SDK2: variants seen among roughly 807,000 people sequenced by gnomAD.
SDK2 encodes the protein protein sidekick-2.
SDK2 carries 105 observed loss-of-function variants against 253.9 expected under a neutral mutation model. The observed-to-expected ratio is 0.41, with a 90% CI of 0.35 to 0.49. SDK2 has a LOEUF of 0.49. Ranked by LOEUF, SDK2 falls within the 20% of genes least tolerant of loss-of-function variation. The pLI is 0.06. For missense variants in SDK2, 2,608 were observed against 3,003.0 expected (o/e 0.87, Z 3.07); for synonymous variants, 1,249 against 1,234.9 (o/e 1.01, Z -0.24).
At chr17:73,394,567 T>C (rs1200469270) in intron 25 of SDK2, among the ~76,000 whole-genome samples, 1 of 152,156 alleles carries the variant, frequency 6.6e-6, no homozygotes, top group East Asian at 1.9e-4. Flanking sequence ...CTGCTCAGGT[T>C]AGGATTAGAT....
At chr17:73,356,953 A>C (rs568993904) in intron 40 of SDK2, among the ~76,000 whole-genome samples, 2 of 152,312 alleles carry the variant, frequency 1.3e-5, no homozygotes, top group South Asian at 4.1e-4. Flanking sequence ...CAACTGGCCA[A>C]CTTGGGTGGA....
At chr17:73,554,309 A>G (rs917209822) in intron 1 of SDK2, among the ~76,000 whole-genome samples, 6 of 152,216 alleles carry the variant, frequency 3.9e-5, no homozygotes, top group Admixed American at 2.0e-4. Flanking sequence ...CCTGCCCCCA[A>G]AATTCATCTG....
At chr17:73,344,957 C>G (rs1375785972) in intron 44 of SDK2, among the ~76,000 whole-genome samples, 1 of 152,240 alleles carries the variant, frequency 6.6e-6, no homozygotes, top group Non-Finnish European at 1.5e-5. Context: ...TCAGGCAGCC[C>G]TCTCTGAGCC....
At chr17:73,487,276 G>A (rs2063775534) in intron 2 of SDK2, among the ~76,000 whole-genome samples, 1 of 152,210 alleles carries the variant, frequency 6.6e-6, no homozygotes, top group African/African-American at 2.4e-5. Context: ...CAGGTGGCTG[G>A]CTTTCTTCAG....
intron 1 of SDK2, among the ~76,000 whole-genome samples, chr17:73,615,371 C>G (rs531930304): frequency 6.6e-6 from 1 of 152,186 alleles, no homozygotes; most frequent in African/African-American, 2.4e-5. Context: ...AGTCTCTGCC[C>G]GGATGCCCTC....
chr17:73,409,373 C>T lies in SDK2; in HGVS notation c.2484+5271G>A, dbSNP rs9906860. 2.9e-3 allele frequency among the ~76,000 whole-genome samples: 439 copies of T among 151,810 alleles called. 4 individuals are homozygous for T. The highest frequency in any genetic ancestry group is 9.9e-3 in the African/African-American group (411 of 41,352). On this transcript the variant is annotated intron_variant, in intron 18 of 44. Coordinates refer to ENST00000392650, the MANE Select transcript of SDK2 (RefSeq NM_001144952.2). Reference sequence around the variant, plus strand: ...GCATATGCCTGTAGTTCCAGCTACTCGGGAGGCTGAGGTAGGAGAATCACT... The same window carrying T: ...GCATATGCCTGTAGTTCCAGCTACTTGGGAGGCTGAGGTAGGAGAATCACT...
In SDK2 at chr17:73,639,386, C is replaced by G. The variant is rs1304650019; in HGVS notation, c.64+4639G>C. ...CTGAGCATCCCTGCTCAACGCTGCT[C>G]ACTGGCTCTGCCTCCTGCCCAGCAC... On this transcript the variant is annotated intron_variant, in intron 1 of 44. Transcript: ENST00000392650. This position sits in a 1 kb window ranked among gnomAD's most constrained non-coding sequence, Gnocchi z 4.3. Among the ~76,000 whole-genome samples, 1 of 152,208 alleles carries G rather than the reference C, an allele frequency of 6.6e-6. No individual in the cohort carries two copies. Among genetic ancestry groups the G allele is most frequent in the Non-Finnish European group, 1.5e-5 (1 of 68,030 alleles).
chr17:73,494,854 G>A (rs979208027), intron 2 of SDK2, among the ~76,000 whole-genome samples: 5 of 152,232 alleles, frequency 3.3e-5, no homozygotes, highest in African/African-American at 9.6e-5. Context: ...CACGGGCTGC[G>A]TGCAGGACCG....
intron 1 of SDK2, among the ~76,000 whole-genome samples, chr17:73,535,920 C>G (rs892033684): frequency 6.6e-6 from 1 of 152,102 alleles, no homozygotes; most frequent in East Asian, 1.9e-4. Flanking sequence ...CCATAAGGAC[C>G]ACGCCCACCC....
At chr17:73,539,480 C>G (rs2044831069) in intron 1 of SDK2, among the ~76,000 whole-genome samples, 1 of 105,062 alleles carries the variant, frequency 9.5e-6, no homozygotes, top group African/African-American at 3.8e-5. Context: ...GATGGGGACG[C>G]TGATGGGGAG....
At chr17:73,615,922 T>C (rs967804284) in intron 1 of SDK2, among the ~76,000 whole-genome samples, 10 of 152,108 alleles carry the variant, frequency 6.6e-5, no homozygotes, top group African/African-American at 2.2e-4. Context: ...GTCACATACA[T>C]ATATACACAA....
chr17:73,598,061 T>C (rs2045785235), intron 1 of SDK2, among the ~76,000 whole-genome samples: 1 of 152,052 alleles, frequency 6.6e-6, no homozygotes, highest in African/African-American at 2.4e-5. Context: ...AGCCAGCTGG[T>C]GTCCGAGTTG....
Position 73,368,497 on chromosome 17 carries a change from A to C in SDK2, c.5077T>G (p.Tyr1693Asp). Residue 1693 changes from tyrosine (Y) to aspartate (D), a missense_variant, in exon 37 of 45, where the codon TAC (tyrosine) becomes GAC (aspartate). By Grantham distance (160) the Tyr-to-Asp change is radical. Around this residue, in one of 2 missense-constraint regions of SDK2, gnomAD observed 1,103 missense variants for 1,143.9 expected, o/e 0.96. Coordinates refer to ENST00000392650, the MANE Select transcript of SDK2 (RefSeq NM_001144952.2). The stretch of plus-strand genomic sequence containing the variant: ...GCCACGCTGACCATGTAGGCCGTGT[A>C]GCCAGTCAAGTTCTTGAGCTTCACG... ...NSVKLKNLTG[Y>D]TAYMVSVAAF... 1 of 1,611,030 alleles carries C rather than the reference A, an allele frequency of 6.2e-7. No homozygotes were observed.
intron 24 of SDK2, among the ~76,000 whole-genome samples, chr17:73,397,104 G>A (rs962252048): frequency 5.3e-5 from 8 of 152,242 alleles, no homozygotes; most frequent in Non-Finnish European, 1.0e-4. Context: ...AAGGGTTTGT[G>A]TGGTCAGATG....
At chr17:73,399,846 C>G (rs1246675904) in intron 21 of SDK2, among the ~76,000 whole-genome samples, 7 of 152,166 alleles carry the variant, frequency 4.6e-5, no homozygotes, top group Admixed American at 2.0e-4. Flanking sequence ...GAGTTTAAAT[C>G]TAACTCCACT....
Position 73,334,663 on chromosome 17 carries a change from C to T in SDK2, c.*3924G>A, listed in dbSNP as rs939039927. ...TCTAGATGGATGGAGAAAGGTAACA[C>T]GTTTAAATGCTTTTGGTTATTCTGA... On this transcript the variant is annotated 3_prime_UTR_variant, in exon 45 of 45. Coordinates refer to ENST00000392650, the MANE Select transcript of SDK2 (RefSeq NM_001144952.2). 2.0e-5 allele frequency: 3 copies of T among 152,090 alleles called. No homozygotes were observed. The highest frequency in any genetic ancestry group is 1.3e-4 in the Admixed American group (2 of 15,268). The allele number at this position is 152,090 out of a possible 1,614,324, so 9.4% of individuals were successfully genotyped here. A position where few individuals can be genotyped will look rare whatever the true frequency, so the allele number is the denominator to read the frequency against.
At chr17:73,357,603 C>A (rs1274858661) in intron 40 of SDK2, 1 of 282,400 alleles carries the variant, frequency 3.5e-6, no homozygotes, top group African/African-American at 2.3e-5. Flanking sequence ...TCACTCATCT[C>A]CTGATGGCTT....
At chr17:73,494,264 C>T (rs993457072) in intron 2 of SDK2, among the ~76,000 whole-genome samples, 3 of 152,198 alleles carry the variant, frequency 2.0e-5, no homozygotes, top group African/African-American at 7.2e-5. Flanking sequence ...CCATGTCCCC[C>T]AAGGAGTCAT....
intron 1 of SDK2, among the ~76,000 whole-genome samples, chr17:73,606,494 C>A (rs9906337): frequency 0.28 from 42,744 of 151,970 alleles, 7,190 homozygotes; most frequent in Non-Finnish European, 0.39. Flanking sequence ...TGGTATGGGC[C>A]GGGTCCTCTC....
Sources: allele counts gnomAD v4.1 joint callset (sites outside exome capture counted in the v4.1 genomes callset), GRCh38; gene constraint gnomAD v4.1.1; regional missense constraint gnomAD v4.1.1; non-coding constraint Gnocchi (gnomAD v3.1); transcripts MANE v1.5; gene names NCBI Gene and HGNC (gene_info 2026-07-23, HGNC 2026-07-21).